The following IQGAP3 variants were observed in gnomAD, a reference collection of about 807,000 sequenced individuals.
IQGAP3 encodes ras GTPase-activating-like protein IQGAP3.
IQGAP3 carries 165 observed loss-of-function variants against 208.2 expected under a neutral mutation model. The ratio of observed to expected loss-of-function variants is 0.79; its 90% CI spans 0.70 to 0.90. IQGAP3 has a LOEUF of 0.90. IQGAP3 is among the 40% of genes least tolerant of loss of function. IQGAP3 has a pLI of 0.00. For synonymous variants in IQGAP3, 703 were observed against 803.6 expected (o/e 0.87, Z 2.12); for missense variants, 1,811 against 2,043.1 (o/e 0.89, Z 2.19).
At chr1:156,531,798 T>A (rs1046430720) in intron 32 of IQGAP3, among the ~76,000 whole-genome samples, 3 of 151,198 alleles carry the variant, frequency 2.0e-5, no homozygotes, top group Non-Finnish European at 4.4e-5. Context: ...AGAGATGGGG[T>A]TTCACCATGT....
chr1:156,563,843 C>T lies in IQGAP3; in HGVS notation c.438-19G>A, dbSNP rs971740368. 6.2e-7 allele frequency: 1 copy of T among 1,607,962 alleles called. No homozygotes were observed. Among genetic ancestry groups the T allele is most frequent in the Non-Finnish European group, 8.5e-7 (1 of 1,175,102 alleles). Reference sequence around the variant, plus strand: ...GAAGAGACTAGGAAAAAACGGAAGGCATTGGAAGGCACTGGGGCCTATTCA... The same window carrying T: ...GAAGAGACTAGGAAAAAACGGAAGGTATTGGAAGGCACTGGGGCCTATTCA... On this transcript the variant is annotated intron_variant, in intron 5 of 37. Coordinates refer to ENST00000361170, the MANE Select transcript of IQGAP3 (RefSeq NM_178229.5).
chr1:156,534,141 C>A lies in IQGAP3; in HGVS notation c.3741G>T (p.Arg1247Ser). ...CCTGGCAGGCTCTATGGATGAACTT[C>A]CTGTCCAGAGGGCGGGCATGTGAGA... ...DYLEETHLKFRKFIHRACQVP... is the reference protein window; with the variant it reads ...DYLEETHLKFSKFIHRACQVP... Residue 1247 changes from arginine to serine, a missense_variant and splice_region_variant, in exon 30 of 38, where the codon AGG (arginine) becomes AGT (serine). Transcript: ENST00000361170. 1.2e-6 allele frequency: 2 copies of A among 1,613,532 alleles called. No homozygotes were observed. The highest frequency in any genetic ancestry group is 1.7e-6 in the Non-Finnish European group (2 of 1,180,032).
intron 10 of IQGAP3, among the ~76,000 whole-genome samples, chr1:156,561,465 C>T (rs1304009407): frequency 2.4e-3 from 2 of 846 alleles, no homozygotes; most frequent in Non-Finnish European, 0.056. Flanking sequence ...CAGTGCCCAG[C>T]CCTATTAACT....
At chr1:156,527,919 A>T (rs778757928) in intron 37 of IQGAP3, 33 bp downstream of exon 37, 2 of 1,461,612 alleles carry the variant, frequency 1.4e-6, no homozygotes. Context: ...AGCCCAGCAG[A>T]TGTCCTGCAG....
intron 5 of IQGAP3, 130 bp downstream of exon 5, chr1:156,564,485 A>C (rs1676310984): frequency 1.4e-6 from 1 of 720,648 alleles, no homozygotes; most frequent in Non-Finnish European, 2.5e-6. Context: ...GTAAATCTGA[A>C]ACCTCACTCT....
At chr1:156,538,185 C>A (rs974500137) in intron 26 of IQGAP3, among the ~76,000 whole-genome samples, 1 of 152,180 alleles carries the variant, frequency 6.6e-6, no homozygotes, top group Non-Finnish European at 1.5e-5. Flanking sequence ...TTCAGCCTCC[C>A]GAGTAGCTAG....
chr1:156,526,225 T>C lies in IQGAP3; in HGVS notation c.*261A>G. On this transcript the variant is annotated 3_prime_UTR_variant, in exon 38 of 38. Coordinates refer to ENST00000361170, the MANE Select transcript of IQGAP3 (RefSeq NM_178229.5). ...CCAGGTCAAGGTCCATGTCCTACCATCTGGCAGGAAAGCCAGGGGTTTGTC... is the reference window on the plus strand; with the variant it reads ...CCAGGTCAAGGTCCATGTCCTACCACCTGGCAGGAAAGCCAGGGGTTTGTC... 6.5e-6 allele frequency: 3 copies of C among 463,158 alleles called. No homozygotes were observed. The highest frequency in any genetic ancestry group is 3.3e-5 in the Admixed American group (1 of 30,148). 28.7% of individuals were successfully genotyped at this position (463,158 alleles called of 1,614,324 possible).
chr1:156,563,011 A>T (rs1309451821), intron 8 of IQGAP3, 123 bp downstream of exon 8: 4 of 806,016 alleles, frequency 5.0e-6, no homozygotes, highest in African/African-American at 3.4e-5. Flanking sequence ...TCACTGATAA[A>T]TTATGGTTTC....
chr1:156,527,308 C>T lies in IQGAP3; in HGVS notation c.4782+644G>A, dbSNP rs185291933. 3.1e-3 allele frequency among the ~76,000 whole-genome samples: 467 copies of T among 151,552 alleles called. 3 individuals are homozygous for T. The highest frequency in any genetic ancestry group is 0.011 in the African/African-American group (448 of 41,396). On this transcript the variant is annotated intron_variant, in intron 37 of 37. Transcript: ENST00000361170. ...CAGCCTGACCAACATGGTGAAACCCCATCTCTACTAAAAATACACAAAAAG... is the reference window on the plus strand; with the variant it reads ...CAGCCTGACCAACATGGTGAAACCCTATCTCTACTAAAAATACACAAAAAG...
At position 156,563,256 on chromosome 1, in the gene IQGAP3, T is replaced by A. The variant is rs770505092; in HGVS notation, c.676A>T (p.Thr226Ser). 1 of 1,612,318 alleles carries A rather than the reference T, an allele frequency of 6.2e-7. No homozygotes were observed. Among genetic ancestry groups the A allele is most frequent in the African/African-American group, 1.3e-5 (1 of 74,984 alleles). ...CTGGGATTCTGCAAGGCAGCCAGGG[T>A]GTCCTCCACCACCCCTCGCTCCACT... The part of the protein sequence containing the change: ...EAVERGVVED[T>S]LAALQNPSAL... Residue 226 changes from threonine (T) to serine (S), a missense_variant, in exon 8 of 38, where the codon ACC (threonine) becomes TCC (serine). Thr to Ser is a moderately conservative substitution (Grantham distance 58). Coordinates refer to ENST00000361170, the MANE Select transcript of IQGAP3 (RefSeq NM_178229.5).
chr1:156,565,193 G>A (rs184048877), intron 4 of IQGAP3, among the ~76,000 whole-genome samples: 103 of 152,296 alleles, frequency 6.8e-4, no homozygotes, highest in South Asian at 1.0e-3. Flanking sequence ...CCAAGCCAGC[G>A]GCTTCTGATC....
chr1:156,529,924 A>AAAAAAAG (rs1674297125), intron 34 of IQGAP3, among the ~76,000 whole-genome samples, 181 bp downstream of exon 34: 1 of 151,320 alleles, frequency 6.6e-6, no homozygotes, highest in South Asian at 2.1e-4. Context: ...CTCAAAAAAA[A>AAAAAAAG]AAAAAAAAAA....
intron 9 of IQGAP3, 40 bp downstream of exon 9, chr1:156,562,545 CCT>C (rs1237328965): frequency 6.5e-7 from 1 of 1,534,680 alleles, no homozygotes; most frequent in East Asian, 2.2e-5. Context: ...AGGGGCTTAC[CCT>C]GAGGTCACCC....
Position 156,527,887 on chromosome 1 carries a change from C to T in IQGAP3, c.4782+65G>A, listed in dbSNP as rs72994698. 6.3e-3 allele frequency: 6,905 copies of T among 1,091,724 alleles called. 298 individuals carry two copies. In the African/African-American group the frequency reaches 0.097, roughly 15 times the overall value. The allele number at this position is 1,091,724 out of a possible 1,614,324, so 67.6% of individuals were successfully genotyped here. On this transcript the variant is annotated intron_variant, in intron 37 of 37. Transcript: ENST00000361170. ...AGGACTAGGAAAGTGAGGCCAGCTG[C>T]TCTCTTCAGGCCAGCACCTAAAGCC...
chr1:156,568,682 C>T lies in IQGAP3; in HGVS notation c.125+694G>A, dbSNP rs1676510621. Among the ~76,000 whole-genome samples, 3 of 152,196 alleles carry T rather than the reference C, an allele frequency of 2.0e-5. No individual in the cohort carries two copies. The South Asian group carries it at 6.2e-4, about 32-fold the overall frequency. On this transcript the variant is annotated intron_variant, in intron 2 of 37. Transcript: ENST00000361170. The stretch of plus-strand genomic sequence containing the variant: ...GGACTATGGGCACACGCCACCATGC[C>T]TGGCTAATATTTGTATTTTTTGTAA...
chr1:156,550,465 C>A, intron 15 of IQGAP3, 114 bp from the exon 16 acceptor site: 1 of 716,746 alleles, frequency 1.4e-6, no homozygotes, highest in Non-Finnish European at 2.5e-6. Flanking sequence ...GCCACAGGGA[C>A]AGTGATCTCC....
chr1:156,554,398 A>C lies in IQGAP3; in HGVS notation c.1291-6T>G. The C allele has an allele frequency of 6.3e-7, 1 of 1,597,282 alleles. No individual in the cohort carries two copies. The highest frequency in any genetic ancestry group is 8.5e-7 in the Non-Finnish European group (1 of 1,172,890). On this transcript the variant is annotated splice_polypyrimidine_tract_variant and splice_region_variant and intron_variant, in intron 12 of 37. Transcript: ENST00000361170. ...AGCTCCTCCTGGCCAAGCTCCTACA[A>C]TGGGTGGGAGGGCCAATTCCCAAGT...
chr1:156,525,950 A>C lies in IQGAP3; in HGVS notation c.*536T>G, dbSNP rs1571300633. On this transcript the variant is annotated 3_prime_UTR_variant, in exon 38 of 38. Transcript: ENST00000361170. ...CACAATGCCACATGGGCACTAACAC[A>C]CACTGCATCCCCCCAGTCCCTGCCC... The C allele has an allele frequency of 6.3e-6, 1 of 157,730 alleles. No individual in the cohort carries two copies. Among genetic ancestry groups the C allele is most frequent in the Non-Finnish European group, 1.4e-5 (1 of 70,622 alleles). The allele number at this position is 157,730 out of a possible 1,614,324, so 9.8% of individuals were successfully genotyped here.
At chr1:156,532,720 C>T (rs1032522969) in intron 32 of IQGAP3, among the ~76,000 whole-genome samples, 6 of 152,092 alleles carry the variant, frequency 3.9e-5, no homozygotes, top group Admixed American at 6.6e-5. Flanking sequence ...GTAAACAGCA[C>T]GATATGCAAA....
Sources: gnomAD v4.1 joint callset for allele counts (sites outside exome capture counted in the v4.1 genomes callset) on GRCh38, gnomAD v4.1.1 for gene constraint, MANE v1.5 for transcripts, NCBI Gene and HGNC (gene_info 2026-07-23, HGNC 2026-07-21) for gene names.